KLHL41: variants seen among roughly 807,000 people sequenced by gnomAD.
KLHL41 encodes kelch-like protein 41.
A neutral mutation model predicts 49.2 loss-of-function variants in KLHL41; 31 were observed. That is an observed-to-expected ratio of 0.63 (90% CI 0.47 to 0.85). The LOEUF (loss-of-function observed/expected upper bound fraction) is 0.85. Ranked by LOEUF, KLHL41 falls within the 40% of genes least tolerant of loss-of-function variation. The pLI, the probability that KLHL41 is intolerant of heterozygous loss-of-function variation, is 0.00. For synonymous variants in KLHL41, 218 were observed against 258.5 expected, an observed-to-expected ratio of 0.84 and a Z score of 1.50; for missense variants, 663 against 726.7, an observed-to-expected ratio of 0.91 and a Z score of 1.01.
chr2:169,526,246 A>G lies in KLHL41; in HGVS notation c.*550A>G, dbSNP rs936411831. ...GGAAAAGTCTCTTGTAAGTAAAAGT[A>G]GTCAAATTCAAATGGCCTTTTCTCT... On this transcript the variant is annotated 3_prime_UTR_variant, in exon 6 of 6. Transcript: ENST00000284669. 6.6e-6 allele frequency: 1 copy of G among 152,270 alleles called. No homozygotes were observed. Among genetic ancestry groups the G allele is most frequent in the Non-Finnish European group, 1.5e-5 (1 of 68,052 alleles). 9.4% of individuals were successfully genotyped at this position (152,270 alleles called of 1,614,324 possible).
At chr2:169,519,968 T>G (rs1273313531) in intron 4 of KLHL41, among the ~76,000 whole-genome samples, 1 of 152,032 alleles carries the variant, frequency 6.6e-6, no homozygotes, top group Admixed American at 6.6e-5. Context: ...GCAAACTTAG[T>G]CATTTACTTT....
In KLHL41 at chr2:169,510,234, T is replaced by C. The variant is rs2105307992; in HGVS notation, c.456T>C (p.Ile152=). The C allele has an allele frequency of 6.2e-7, 1 of 1,614,110 alleles. No homozygotes were observed. Among genetic ancestry groups the C allele is most frequent in the Non-Finnish European group, 8.5e-7 (1 of 1,180,040 alleles). The change falls in exon 1 of 6, where the codon ATT becomes ATC. Residue 152 remains isoleucine, a synonymous_variant. Coordinates refer to ENST00000284669, the MANE Select transcript of KLHL41 (RefSeq NM_006063.3). This position sits in a 1 kb window ranked among gnomAD's most constrained non-coding sequence, Gnocchi z 4.2. ...TTCTTGACTGCCCGAGACTCGCCAT[T>C]TCTGCCCGTGAATTTGTGTCTGATC... ...GLLLDCPRLA[I]SAREFVSDRF...
At chr2:169,517,490 G>A (rs576573892) in intron 3 of KLHL41, among the ~76,000 whole-genome samples, 1 of 152,338 alleles carries the variant, frequency 6.6e-6, no homozygotes, top group South Asian at 2.1e-4. Context: ...TGTGTTCCCA[G>A]CTACCTGGGA....
At chr2:169,511,350 G>A (rs1684027268) in intron 1 of KLHL41, among the ~76,000 whole-genome samples, 1 of 152,154 alleles carries the variant, frequency 6.6e-6, no homozygotes, top group Non-Finnish European at 1.5e-5. Flanking sequence ...ACCCCCTGCT[G>A]TAAAAACTAA....
intron 1 of KLHL41, among the ~76,000 whole-genome samples, chr2:169,511,899 T>C (rs1684033754): frequency 6.6e-6 from 1 of 152,202 alleles, no homozygotes; most frequent in South Asian, 2.1e-4. Context: ...GTGTTATACT[T>C]TATCAGTTTA....
rs1224602855 is a variant in KLHL41 at position 169,525,744 on chromosome 2, T to C, written c.*48T>C. The C allele has an allele frequency of 9.7e-7, 1 of 1,032,156 alleles. No individual in the cohort carries two copies. Among genetic ancestry groups the C allele is most frequent in the African/African-American group, 1.6e-5 (1 of 62,952 alleles). 63.9% of individuals were successfully genotyped at this position (1,032,156 alleles called of 1,614,324 possible). A position where few individuals can be genotyped will look rare whatever the true frequency, so the allele number is the denominator to read the frequency against. On this transcript the variant is annotated 3_prime_UTR_variant, in exon 6 of 6. Coordinates refer to ENST00000284669, the MANE Select transcript of KLHL41 (RefSeq NM_006063.3). ...ATTGGGAGGTGGTTTGTTTGGTGAA[T>C]GGGGCTTTAATTTATTCTGTTTTTT...
At chr2:169,511,098 G>C (rs1259676124) in intron 1 of KLHL41, among the ~76,000 whole-genome samples, 1 of 152,094 alleles carries the variant, frequency 6.6e-6, no homozygotes, top group Non-Finnish European at 1.5e-5. Context: ...TGAATAATGA[G>C]GTTCTAATTC....
At chr2:169,519,651 C>CTTTT (rs11384512) in intron 4 of KLHL41, among the ~76,000 whole-genome samples, 1 of 138,478 alleles carries the variant, frequency 7.2e-6, no homozygotes, top group Admixed American at 7.2e-5. Flanking sequence ...TTTTCTCAAA[C>CTTTT]TTTTTTTTTT....
rs1465680277 is a variant in KLHL41 at position 169,521,036 on chromosome 2, A to G, written c.1709+29A>G. Reference sequence around the variant, plus strand: ...AGTTCTCATCACTTCAATTTTCAGAATCACATATTAAATCAGATGACTGAT... The same window carrying G: ...AGTTCTCATCACTTCAATTTTCAGAGTCACATATTAAATCAGATGACTGAT... On this transcript the variant is annotated intron_variant, in intron 5 of 5. Transcript: ENST00000284669. The G allele has an allele frequency of 1.9e-6, 3 of 1,597,784 alleles. No individual in the cohort carries two copies. In the East Asian group the frequency reaches 6.7e-5, roughly 36 times the overall value.
At chr2:169,511,925 A>G (rs1212028432) in intron 1 of KLHL41, among the ~76,000 whole-genome samples, 1 of 152,230 alleles carries the variant, frequency 6.6e-6, no homozygotes, top group Admixed American at 6.5e-5. Context: ...GAGTTGGCTT[A>G]ACCTTTGTCT....
intron 5 of KLHL41, among the ~76,000 whole-genome samples, chr2:169,524,764 C>T (rs1201068949): frequency 1.3e-5 from 2 of 151,502 alleles, no homozygotes; most frequent in African/African-American, 2.4e-5. Flanking sequence ...TATTTGTCCT[C>T]AGATGCCTTT....
Position 169,514,980 on chromosome 2 carries a change from C to A in KLHL41, c.1376+19C>A. 7.1e-7 allele frequency: 1 copy of A among 1,401,454 alleles called. No individual in the cohort carries two copies. The highest frequency in any genetic ancestry group is 9.9e-7 in the Non-Finnish European group (1 of 1,013,270). The allele number at this position is 1,401,454 out of a possible 1,614,324, so 86.8% of individuals were successfully genotyped here. ...ATGACAAGTAAGTACCCTGAACTCT[C>A]ATGATTTATGTCTAAATGACTTTTT... is the stretch of plus-strand genomic sequence containing the variant. On this transcript the variant is annotated intron_variant, in intron 3 of 5. Transcript: ENST00000284669.
At chr2:169,511,923 T>C (rs1211106209) in intron 1 of KLHL41, among the ~76,000 whole-genome samples, 1 of 152,228 alleles carries the variant, frequency 6.6e-6, no homozygotes, top group Non-Finnish European at 1.5e-5. Context: ...AGGAGTTGGC[T>C]TAACCTTTGT....
intron 3 of KLHL41, among the ~76,000 whole-genome samples, chr2:169,516,889 C>T (rs1425860378): frequency 1.3e-5 from 2 of 152,086 alleles, no homozygotes; most frequent in Middle Eastern, 3.2e-3. Flanking sequence ...GGCGTGGTGC[C>T]GTTTGCCTGT....
chr2:169,524,522 G>A (rs892746401), intron 5 of KLHL41, among the ~76,000 whole-genome samples: 14 of 148,590 alleles, frequency 9.4e-5, no homozygotes, highest in South Asian at 2.1e-4. Flanking sequence ...CTCAGCCTCC[G>A]GAGTAGCTAG....
At chr2:169,513,737 C>G (rs937886926) in intron 1 of KLHL41, among the ~76,000 whole-genome samples, 11 of 152,168 alleles carry the variant, frequency 7.2e-5, no homozygotes, top group African/African-American at 2.7e-4. Flanking sequence ...TGCAACTGTA[C>G]TCTTGCAGAA....
In KLHL41 at chr2:169,525,778, G is replaced by C. The variant is rs571811846; in HGVS notation, c.*82G>C. Reference sequence around the variant, plus strand: ...AATTTATTCTGTTTTTTAAAAGCTTGTACAGACACTCATGTAGAAATTATT... The same window carrying C: ...AATTTATTCTGTTTTTTAAAAGCTTCTACAGACACTCATGTAGAAATTATT... On this transcript the variant is annotated 3_prime_UTR_variant, in exon 6 of 6. Coordinates refer to ENST00000284669, the MANE Select transcript of KLHL41 (RefSeq NM_006063.3). The C allele has an allele frequency of 8.2e-6, 6 of 728,376 alleles. No individual in the cohort carries two copies. Among genetic ancestry groups the C allele is most frequent in the Admixed American group, 2.5e-5 (1 of 40,168 alleles). The allele number at this position is 728,376 out of a possible 1,614,324, so 45.1% of individuals were successfully genotyped here. A position where few individuals can be genotyped will look rare whatever the true frequency, so the allele number is the denominator to read the frequency against.
chr2:169,515,551 T>A (rs1684103786), intron 3 of KLHL41, among the ~76,000 whole-genome samples: 1 of 152,240 alleles, frequency 6.6e-6, no homozygotes, highest in Non-Finnish European at 1.5e-5. Flanking sequence ...GATTTATAAT[T>A]GTATTTTACT....
intron 4 of KLHL41, among the ~76,000 whole-genome samples, chr2:169,520,316 G>GTGTA (rs1559132015): frequency 2.9e-5 from 4 of 139,998 alleles, no homozygotes; most frequent in South Asian, 2.5e-4. Flanking sequence ...GTGTGTATGT[G>GTGTA]TGTGTGTGTG....
Sources: allele counts gnomAD v4.1 joint callset (sites outside exome capture counted in the v4.1 genomes callset), GRCh38; gene constraint gnomAD v4.1.1; non-coding constraint Gnocchi (gnomAD v3.1); transcripts MANE v1.5; gene names NCBI Gene and HGNC (gene_info 2026-07-23, HGNC 2026-07-21).